Variants in CNTNAP2 observed in about 807,000 individuals in gnomAD.
CNTNAP2 encodes contactin-associated protein-like 2.
CNTNAP2 carries 98 observed loss-of-function variants against 155.2 expected under a neutral mutation model. The ratio of observed to expected loss-of-function variants is 0.63; its 90% CI spans 0.54 to 0.75. The LOEUF is 0.75. Among genes scored for constraint, CNTNAP2 ranks in the 30% least tolerant of loss-of-function variants. The pLI is 0.00. For synonymous variants in CNTNAP2, 651 were observed against 631.2 expected, an observed-to-expected ratio of 1.03 and a Z score of -0.47; for missense variants, 1,727 against 1,688.1, an observed-to-expected ratio of 1.02 and a Z score of -0.40.
At chr7:147,128,334 T>C (rs1164637828) in intron 6 of CNTNAP2, among the ~76,000 whole-genome samples, 1 of 152,206 alleles carries the variant, frequency 6.6e-6, no homozygotes, top group African/African-American at 2.4e-5. Context: ...TGATAGTATG[T>C]CTTTGAATGA....
In CNTNAP2 at chr7:147,556,676, T is replaced by C. The variant is rs1020230464; in HGVS notation, c.1778-5462T>C. On this transcript the variant is annotated intron_variant, in intron 11 of 23. Coordinates refer to ENST00000361727, the MANE Select transcript of CNTNAP2 (RefSeq NM_014141.6). Reference sequence around the variant, plus strand: ...CTATAATCTGGAAAAGGCAAGTATATAGATTTCCCCCCTAGAATTTGCAGG... The same window carrying C: ...CTATAATCTGGAAAAGGCAAGTATACAGATTTCCCCCCTAGAATTTGCAGG... Among the ~76,000 whole-genome samples the C allele has an allele frequency of 5.3e-5, 8 of 152,252 alleles. 1 individual carries two copies. In the Middle Eastern group the frequency reaches 0.014, roughly 259 times the overall value.
intron 3 of CNTNAP2, chr7:146,915,953 G>T (rs114838349): frequency 6.6e-6 from 1 of 152,034 alleles, no homozygotes; most frequent in South Asian, 2.1e-4. Context: ...TTGACTGTGG[G>T]TTTGTTATAT....
chr7:148,288,424 C>T (rs1396626701), intron 21 of CNTNAP2, among the ~76,000 whole-genome samples: 2 of 152,016 alleles, frequency 1.3e-5, no homozygotes, highest in Non-Finnish European at 2.9e-5. Context: ...TTAAAGCCAC[C>T]AGCCCCATCA....
intron 8 of CNTNAP2, among the ~76,000 whole-genome samples, chr7:147,254,433 T>C (rs1804274110): frequency 6.6e-6 from 1 of 152,100 alleles, no homozygotes; most frequent in East Asian, 1.9e-4. Flanking sequence ...CTATAACCAA[T>C]AATGTTGAAT....
intron 9 of CNTNAP2, among the ~76,000 whole-genome samples, chr7:147,383,643 G>A (rs746479373): frequency 6.6e-6 from 1 of 152,048 alleles, no homozygotes; most frequent in East Asian, 1.9e-4. Flanking sequence ...GGGGAGGGGA[G>A]AGCATTAAGA....
At chr7:146,219,000 G>A (rs966078950) in intron 1 of CNTNAP2, among the ~76,000 whole-genome samples, 1 of 152,140 alleles carries the variant, frequency 6.6e-6, no homozygotes, top group Admixed American at 6.5e-5. Context: ...AGATTTAATG[G>A]ACTCACAGGT....
At chr7:148,324,837 T>G (rs1797862548) in intron 21 of CNTNAP2, among the ~76,000 whole-genome samples, 1 of 151,680 alleles carries the variant, frequency 6.6e-6, no homozygotes, top group African/African-American at 2.4e-5. Flanking sequence ...TTTTGTACTA[T>G]GCTAGATACC....
At chr7:147,822,052 C>G (rs377649350) in intron 13 of CNTNAP2, among the ~76,000 whole-genome samples, 1 of 152,092 alleles carries the variant, frequency 6.6e-6, no homozygotes, top group Non-Finnish European at 1.5e-5. Context: ...AATGTTCCAA[C>G]TGAGGACAGA....
chr7:147,860,589 CAAA>C (rs11342244), intron 13 of CNTNAP2, among the ~76,000 whole-genome samples: 1 of 124,430 alleles, frequency 8.0e-6, no homozygotes. Flanking sequence ...GACTCTGTCT[CAAA>C]AAAAAAAAAA....
chr7:146,491,345 A>G (rs1584949341), intron 1 of CNTNAP2, among the ~76,000 whole-genome samples: 1 of 151,702 alleles, frequency 6.6e-6, no homozygotes, highest in African/African-American at 2.4e-5. Flanking sequence ...GCTCATGGGA[A>G]GTGTATCATC....
At position 146,985,308 on chromosome 7, in the gene CNTNAP2, ATTTTT is replaced by A. The variant is rs71165057; in HGVS notation, c.403-58574_403-58570del. Among the ~76,000 whole-genome samples, 780 of 127,670 alleles carry A rather than the reference ATTTTT, an allele frequency of 6.1e-3. 2 individuals are homozygous for A. The highest frequency in any genetic ancestry group is 0.023 in the African/African-American group (746 of 31,846). 83.8% of individuals were successfully genotyped at this position (127,670 alleles called of 152,430 possible). A position where few individuals can be genotyped will look rare whatever the true frequency, so the allele number is the denominator to read the frequency against. On this transcript the variant is annotated intron_variant, in intron 3 of 23. Transcript: ENST00000361727. Reference sequence around the variant, plus strand: ...CAAAGTGCTTGTGGAAAATGCTTGAATTTTTTTTTTTTTTTTTTTTTTTTTTTTTG... The same window carrying A: ...CAAAGTGCTTGTGGAAAATGCTTGAATTTTTTTTTTTTTTTTTTTTTTTTG...
At chr7:148,260,587 C>T (rs1247640605) in intron 20 of CNTNAP2, among the ~76,000 whole-genome samples, 2 of 152,168 alleles carry the variant, frequency 1.3e-5, no homozygotes, top group African/African-American at 4.8e-5. Context: ...CTGGAAACCA[C>T]AGTCGGTTAA....
intron 3 of CNTNAP2, among the ~76,000 whole-genome samples, chr7:146,982,482 C>T (rs867734800): frequency 6.6e-6 from 1 of 152,136 alleles, no homozygotes; most frequent in Non-Finnish European, 1.5e-5. Flanking sequence ...ATGTTTAGCA[C>T]TCTTTGAAAG....
chr7:146,918,178 C>G (rs1796431786), intron 3 of CNTNAP2, among the ~76,000 whole-genome samples: 1 of 152,080 alleles, frequency 6.6e-6, no homozygotes, highest in African/African-American at 2.4e-5. Flanking sequence ...CATTTACATT[C>G]AATATTAGTA....
chr7:148,097,615 G>T (rs1804001265), intron 15 of CNTNAP2, among the ~76,000 whole-genome samples: 1 of 152,078 alleles, frequency 6.6e-6, no homozygotes, highest in Non-Finnish European at 1.5e-5. Context: ...CTCCTGAGTA[G>T]CTGGAAGCTA....
chr7:147,708,430 C>T (rs761556461), intron 13 of CNTNAP2, among the ~76,000 whole-genome samples: 23 of 152,240 alleles, frequency 1.5e-4, no homozygotes, highest in Non-Finnish European at 2.9e-4. Flanking sequence ...ATGCAGGTAC[C>T]GTTGGACCTC....
chr7:147,564,385 C>G (rs901356744), intron 12 of CNTNAP2, among the ~76,000 whole-genome samples: 7 of 151,962 alleles, frequency 4.6e-5, no homozygotes, highest in African/African-American at 1.7e-4. Context: ...CACTTGAATT[C>G]TTTTTTATAT....
At chr7:147,280,077 G>A (rs1804996678) in intron 8 of CNTNAP2, among the ~76,000 whole-genome samples, 2 of 151,850 alleles carry the variant, frequency 1.3e-5, no homozygotes, top group Admixed American at 1.3e-4. Flanking sequence ...TTTTCCAAAT[G>A]TATACAGCTA....
At chr7:146,748,246 C>T (rs540179739) in intron 1 of CNTNAP2, among the ~76,000 whole-genome samples, 3 of 149,632 alleles carry the variant, frequency 2.0e-5, no homozygotes, top group South Asian at 4.2e-4. Flanking sequence ...CCCGGGTTCA[C>T]GCCATTCTCC....
Sources: allele counts gnomAD v4.1 joint callset (sites outside exome capture counted in the v4.1 genomes callset), GRCh38; gene constraint gnomAD v4.1.1; transcripts MANE v1.5; gene names NCBI Gene and HGNC (gene_info 2026-07-23, HGNC 2026-07-21).